The following ANKRD24 variants were observed in gnomAD, a reference collection of about 807,000 sequenced individuals.
ANKRD24 encodes the protein ankyrin repeat domain-containing protein 24.
Under a neutral mutation model 127.8 loss-of-function variants are expected in ANKRD24, and 109 were observed. The ratio of observed to expected loss-of-function variants is 0.85; its 90% CI spans 0.73 to 1.00. ANKRD24 has a LOEUF of 1.00. ANKRD24 is among the 50% of genes least tolerant of loss of function. The probability of loss-of-function intolerance (pLI) is 0.00; values close to 1 mark genes in which losing one functional copy is unlikely to be tolerated. For missense variants in ANKRD24, 1,648 were observed against 1,570.2 expected, an observed-to-expected ratio of 1.05 and a Z score of -0.84; for synonymous variants, 743 against 671.1, an observed-to-expected ratio of 1.11 and a Z score of -1.66.
At chr19:4,197,876 G>A (rs932558476) in intron 2 of ANKRD24, among the ~76,000 whole-genome samples, 1 of 151,852 alleles carries the variant, frequency 6.6e-6, no homozygotes, top group African/African-American at 2.4e-5. Flanking sequence ...TGAACGAGTG[G>A]GTGAACGAAT....
intron 5 of ANKRD24, among the ~76,000 whole-genome samples, chr19:4,201,792 CAGG>C (rs1969107308): frequency 6.6e-6 from 1 of 152,062 alleles, no homozygotes; most frequent in Admixed American, 6.6e-5. Flanking sequence ...AAGGCTGAGA[CAGG>C]AGGATCGCTT....
chr19:4,210,292 G>A lies in ANKRD24; in HGVS notation c.979G>A (p.Val327Met), dbSNP rs575893376. Reference sequence around the variant, plus strand: ...TGATCGAGATGCCTATGAGGAGATCGTGAGGCTGCGGCAGGAGAGGGGCCG... The same window carrying A: ...TGATCGAGATGCCTATGAGGAGATCATGAGGCTGCGGCAGGAGAGGGGCCG... ...PDDRDAYEEI[V>M]RLRQERGRLL... Residue 327 changes from valine to methionine, a missense_variant, in exon 13 of 22, where the codon GTG (valine) becomes ATG (methionine). By Grantham distance (21) the Val-to-Met change is conservative. Transcript: ENST00000318934. The A allele has an allele frequency of 1.1e-5, 18 of 1,588,550 alleles. No homozygotes were observed. Among genetic ancestry groups the A allele is most frequent in the East Asian group, 2.3e-5 (1 of 43,754 alleles).
intron 7 of ANKRD24, among the ~76,000 whole-genome samples, chr19:4,204,871 G>A (rs1452440575): frequency 6.6e-6 from 1 of 152,178 alleles, no homozygotes; most frequent in Non-Finnish European, 1.5e-5. Flanking sequence ...GGAGGCCCAG[G>A]CGGGCAGATT....
intron 5 of ANKRD24, among the ~76,000 whole-genome samples, chr19:4,200,939 T>A (rs1412673555): frequency 3.9e-5 from 6 of 152,000 alleles, no homozygotes; most frequent in African/African-American, 1.4e-4. Flanking sequence ...GTATCCGAGA[T>A]AAAGGAAGTG....
At chr19:4,207,459 G>T (rs915618710) in intron 8 of ANKRD24, 42 bp from the exon 9 acceptor site, 5 of 1,598,070 alleles carry the variant, frequency 3.1e-6, no homozygotes, top group Non-Finnish European at 3.4e-6. Flanking sequence ...CCTCCCGGGG[G>T]TCAGTTTCTC....
chr19:4,197,876 G>GGTGAACGAATGAACGAGTGA (rs1276974037), intron 2 of ANKRD24, among the ~76,000 whole-genome samples: 6 of 151,852 alleles, frequency 4.0e-5, no homozygotes, highest in African/African-American at 1.5e-4. Flanking sequence ...TGAACGAGTG[G>GGTGAACGAATGAACGAGTGA]GTGAACGAAT....
chr19:4,224,020 T>C (rs187708136), intron 20 of ANKRD24, 107 bp from the exon 21 acceptor site: 2 of 791,410 alleles, frequency 2.5e-6, no homozygotes, highest in Admixed American at 5.4e-5. Flanking sequence ...ATTTTAGCAG[T>C]CGGCCATCAA....
chr19:4,217,386 G>A lies in ANKRD24; in HGVS notation c.2226G>A (p.Glu742=), dbSNP rs1292966598. 1.9e-6 allele frequency: 3 copies of A among 1,550,480 alleles called. No individual in the cohort carries two copies. Among genetic ancestry groups the A allele is most frequent in the African/African-American group, 1.4e-5 (1 of 73,062 alleles). The part of the protein sequence containing the change: ...LEEALRQRER[E]AAAELEAALG... ...AGGCTCTCCGGCAGCGGGAGCGGGAGGCAGCTGCGGAGCTGGAGGCGGCCC... is the reference window on the plus strand; with the variant it reads ...AGGCTCTCCGGCAGCGGGAGCGGGAAGCAGCTGCGGAGCTGGAGGCGGCCC... Residue 742 remains glutamate (E), a synonymous_variant, in exon 18 of 22, where the codon GAG becomes GAA. Transcript: ENST00000318934.
chr19:4,219,786 C>A, intron 19 of ANKRD24, 28 bp downstream of exon 19: 2 of 1,567,526 alleles, frequency 1.3e-6, no homozygotes, highest in South Asian at 2.3e-5. Flanking sequence ...CACACTCAGT[C>A]AGGGAGGCAT....
rs1375120183 is a variant in ANKRD24, at chr19:4,219,675, C to T, written c.3088C>T (p.Leu1030=). 6.2e-7 allele frequency: 1 copy of T among 1,613,844 alleles called. No homozygotes were observed. The highest frequency in any genetic ancestry group is 1.1e-5 in the South Asian group (1 of 91,066). ...CACAGCAGAGCAGCAGCTACGGGGG[C>T]TACGGACCGAGGCGGAAAGGGCTCG... ...LATAEQQLRG[L]RTEAERARQA... Residue 1030 remains leucine, a synonymous_variant, in exon 19 of 22, where the codon CTA becomes TTA. Transcript: ENST00000318934.
intron 19 of ANKRD24, among the ~76,000 whole-genome samples, chr19:4,222,416 T>C (rs1286091232): frequency 2.0e-5 from 3 of 152,080 alleles, no homozygotes; most frequent in Non-Finnish European, 4.4e-5. Flanking sequence ...AACAAAAAAA[T>C]GTGAAAACCA....
At position 4,198,838 on chromosome 19, in the gene ANKRD24, G is replaced by A. The variant is rs1233642819; in HGVS notation, c.37-845G>A. On this transcript the variant is annotated intron_variant, in intron 2 of 21. Coordinates refer to ENST00000318934, the MANE Select transcript of ANKRD24 (RefSeq NM_001393985.1). This position sits in a 1 kb window ranked among gnomAD's most constrained non-coding sequence, Gnocchi z 6.1. Reference sequence around the variant, plus strand: ...TTTGGAGACAGATGGGGTCATTGAGGGGACAACTTGGAAGCTATTTTGGGA... The same window carrying A: ...TTTGGAGACAGATGGGGTCATTGAGAGGACAACTTGGAAGCTATTTTGGGA... 2.0e-5 allele frequency among the ~76,000 whole-genome samples: 3 copies of A among 152,198 alleles called. No homozygotes were observed. The highest frequency in any genetic ancestry group is 2.9e-5 in the Non-Finnish European group (2 of 68,042).
At chr19:4,212,354 G>A (rs537352639) in intron 13 of ANKRD24, 121 bp from the exon 14 acceptor site, 21 of 1,172,180 alleles carry the variant, frequency 1.8e-5, no homozygotes, top group Admixed American at 1.3e-4. Context: ...GAATTCAGTA[G>A]GTGCTGAATA....
At chr19:4,192,103 C>T (rs981705238) in intron 2 of ANKRD24, among the ~76,000 whole-genome samples, 9 of 151,642 alleles carry the variant, frequency 5.9e-5, no homozygotes, top group African/African-American at 2.2e-4. Context: ...CCGTTTCTTT[C>T]TTTGGGGTCC....
At chr19:4,221,308 C>T (rs1467520051) in intron 19 of ANKRD24, among the ~76,000 whole-genome samples, 1 of 151,962 alleles carries the variant, frequency 6.6e-6, no homozygotes, top group Non-Finnish European at 1.5e-5. Context: ...AACTCCCGAC[C>T]TCAGGTGATT....
At position 4,216,713 on chromosome 19, in the gene ANKRD24, TC is replaced by T; in HGVS notation, c.1557del (p.Arg520GlufsTer27). 2 of 1,578,352 alleles carry T rather than the reference TC, an allele frequency of 1.3e-6. No individual in the cohort carries two copies. The highest frequency in any genetic ancestry group is 1.7e-6 in the Non-Finnish European group (2 of 1,162,742). ...QALRQQETRE[V>X]PREEGAACGE... ...CTGAGGCAGCAGGAGACACGAGAGG[TC>T]CCCAGAGAAGAGGGGGCAGCCTGTG... is the stretch of plus-strand genomic sequence containing the variant. On this transcript the variant is annotated frameshift_variant, in exon 18 of 22. Transcript: ENST00000318934. LOFTEE classifies it high-confidence loss of function.
chr19:4,204,206 C>A (rs1333411460), intron 7 of ANKRD24, among the ~76,000 whole-genome samples: 1 of 142,772 alleles, frequency 7.0e-6, no homozygotes, highest in African/African-American at 2.6e-5. Flanking sequence ...ACCTCGTGAT[C>A]CGCCTGCTCG....
Position 4,224,487 on chromosome 19 carries a change from C to T in ANKRD24, c.3423C>T (p.Leu1141=). The T allele has an allele frequency of 1.2e-6, 2 of 1,610,710 alleles. No individual in the cohort carries two copies. Among genetic ancestry groups the T allele is most frequent in the Non-Finnish European group, 1.7e-6 (2 of 1,178,590 alleles). The change falls in exon 22 of 22, where the codon CTC becomes CTT. Residue 1141 remains leucine, a synonymous_variant. Transcript: ENST00000318934. ...ILSQILQMQR[L]QAQGR is the part of the protein sequence containing the mutation. The stretch of plus-strand genomic sequence containing the variant: ...GCCAGATTCTGCAGATGCAGAGACT[C>T]CAGGCTCAGGGCCGCTGAGAAAGGC...
At chr19:4,202,476 A>G (rs1377430019) in intron 6 of ANKRD24, among the ~76,000 whole-genome samples, 7 of 152,112 alleles carry the variant, frequency 4.6e-5, no homozygotes, top group Non-Finnish European at 5.9e-5. Flanking sequence ...AGGCTGAGGC[A>G]GGAGAATCCC....
Sources: allele counts gnomAD v4.1 joint callset (sites outside exome capture counted in the v4.1 genomes callset), GRCh38; gene constraint gnomAD v4.1.1; non-coding constraint Gnocchi (gnomAD v3.1); transcripts MANE v1.5; gene names NCBI Gene and HGNC (gene_info 2026-07-23, HGNC 2026-07-21).